TENM2: variants seen among roughly 807,000 people sequenced by gnomAD.
The protein encoded by TENM2 is teneurin transmembrane protein 2.
A neutral mutation model predicts 245.2 loss-of-function variants in TENM2; 52 were observed. The observed-to-expected ratio is 0.21, with a 90% confidence interval of 0.17 to 0.27. The LOEUF is 0.27. Among genes scored for constraint, TENM2 ranks in the 10% least tolerant of loss-of-function variants. TENM2 has a pLI of 1.00. For missense variants in TENM2, 3,046 were observed against 3,666.8 expected, an observed-to-expected ratio of 0.83 and a Z score of 4.37; for synonymous variants, 1,363 against 1,438.9, an observed-to-expected ratio of 0.95 and a Z score of 1.19.
At chr5:167,239,523 G>A in the TENM2 span, among the ~76,000 whole-genome samples, 1 of 152,002 alleles carries the variant, frequency 6.6e-6, no homozygotes, top group Non-Finnish European at 1.5e-5. Flanking sequence ...GAATTATACG[G>A]TTGCCATAGT....
rs1755379027 is a variant in TENM2, at chr5:167,302,291, TAGGTC to T, written c.226+17233_226+17237del. 2.0e-5 allele frequency among the ~76,000 whole-genome samples: 3 copies of T among 152,102 alleles called. No homozygotes were observed. In the South Asian group the frequency reaches 6.2e-4, roughly 32 times the overall value. ...AGAAGAAAATAAGGCATTTAGGTTT[TAGGTC>T]AGGTGTGAGTTGAAGAGGTTTTAGG... On this transcript the variant is annotated intron_variant, in intron 1 of 28. Transcript: ENST00000518659.
At chr5:167,084,137 A>G in the TENM2 span, among the ~76,000 whole-genome samples, 2 of 150,650 alleles carry the variant, frequency 1.3e-5, no homozygotes, top group East Asian at 3.9e-4. Flanking sequence ...TTTGTTATAG[A>G]TAGTTTGTAA....
chr5:167,776,416 G>A (rs886505810), intron 2 of TENM2, among the ~76,000 whole-genome samples: 1 of 151,298 alleles, frequency 6.6e-6, no homozygotes, highest in Non-Finnish European at 1.5e-5. Context: ...GGGCAGCAAG[G>A]CGAGACCCCA....
At chr5:167,319,288 C>T (rs1756574087) in intron 1 of TENM2, among the ~76,000 whole-genome samples, 1 of 152,092 alleles carries the variant, frequency 6.6e-6, no homozygotes, top group Non-Finnish European at 1.5e-5. Flanking sequence ...GAATACATTT[C>T]TCAGTTTCAG....
At chr5:167,532,339 C>T (rs1025672189) in intron 2 of TENM2, among the ~76,000 whole-genome samples, 7 of 151,798 alleles carry the variant, frequency 4.6e-5, no homozygotes, top group South Asian at 2.1e-4. Context: ...AAAATTAGCC[C>T]GTTTTCAAGT....
the TENM2 span, among the ~76,000 whole-genome samples, chr5:167,133,824 G>GA: frequency 3.0e-3 from 395 of 133,402 alleles, 1 homozygote; most frequent in Non-Finnish European, 5.1e-3. Context: ...TGCTTGGGGC[G>GA]AAAAAAAAAA....
intron 2 of TENM2, among the ~76,000 whole-genome samples, chr5:167,610,503 C>A (rs960343417): frequency 1.3e-5 from 2 of 152,134 alleles, no homozygotes; most frequent in Non-Finnish European, 2.9e-5. Flanking sequence ...CATTAGCAAA[C>A]AAAAGACCCT....
At chr5:167,844,171 G>T (rs1180610239) in intron 2 of TENM2, among the ~76,000 whole-genome samples, 1 of 152,210 alleles carries the variant, frequency 6.6e-6, no homozygotes, top group African/African-American at 2.4e-5. Context: ...AAATGTAAAT[G>T]TAAAAGATAC....
intron 2 of TENM2, among the ~76,000 whole-genome samples, chr5:167,578,079 C>G (rs1418018623): frequency 6.6e-6 from 1 of 152,160 alleles, no homozygotes; most frequent in Non-Finnish European, 1.5e-5. Flanking sequence ...AACGGCAAGC[C>G]AAGGTATTTG....
chr5:167,007,131 T>C, the TENM2 span, among the ~76,000 whole-genome samples: 1 of 152,222 alleles, frequency 6.6e-6, no homozygotes, highest in African/African-American at 2.4e-5. This position sits in a 1 kb window ranked among gnomAD's most constrained non-coding sequence, Gnocchi z 4.2. Context: ...TTATAAATAA[T>C]GGAGATACTT....
chr5:167,809,603 A>G (rs1290592460), intron 2 of TENM2, among the ~76,000 whole-genome samples: 1 of 152,108 alleles, frequency 6.6e-6, no homozygotes, highest in East Asian at 1.9e-4. Context: ...TTCTATATAT[A>G]CTTAATACAG....
intron 25 of TENM2, among the ~76,000 whole-genome samples, chr5:168,229,078 AATTATAAT>A (rs1216477869): frequency 6.7e-6 from 1 of 148,882 alleles, no homozygotes; most frequent in Non-Finnish European, 1.5e-5. Flanking sequence ...TTATATGTAT[AATTATAAT>A]ATTATAATGT....
At chr5:167,115,650 A>G in the TENM2 span, among the ~76,000 whole-genome samples, 2 of 152,248 alleles carry the variant, frequency 1.3e-5, no homozygotes, top group Admixed American at 6.5e-5. Context: ...ATTCTGTTAC[A>G]ATAAGAACAT....
At chr5:168,251,428 A>G (rs1355878996) in intron 27 of TENM2, among the ~76,000 whole-genome samples, 3 of 152,226 alleles carry the variant, frequency 2.0e-5, no homozygotes, top group African/African-American at 7.2e-5. Context: ...GAATCCAGAA[A>G]CCATTAGAGA....
chr5:167,134,170 A>C, the TENM2 span, among the ~76,000 whole-genome samples: 2 of 152,260 alleles, frequency 1.3e-5, no homozygotes, highest in Non-Finnish European at 2.9e-5. Context: ...GATTATTAAA[A>C]GTCAAAAAAA....
At chr5:167,590,133 A>G (rs936130158) in intron 2 of TENM2, among the ~76,000 whole-genome samples, 1 of 151,766 alleles carries the variant, frequency 6.6e-6, no homozygotes, top group African/African-American at 2.4e-5. Flanking sequence ...TCAGATTGCA[A>G]TATTTTTAGG....
chr5:168,067,284 A>C (rs1278871500), intron 7 of TENM2, among the ~76,000 whole-genome samples: 1 of 152,154 alleles, frequency 6.6e-6, no homozygotes, highest in Non-Finnish European at 1.5e-5. Context: ...GGTACCCCCT[A>C]ATGCTTTATG....
intron 2 of TENM2, among the ~76,000 whole-genome samples, chr5:167,795,492 T>C (rs1426794967): frequency 6.6e-6 from 1 of 152,058 alleles, no homozygotes; most frequent in Non-Finnish European, 1.5e-5. Context: ...GAAATCCACA[T>C]TAAATTAAGT....
chr5:167,954,451 G>C (rs3101754), intron 4 of TENM2, among the ~76,000 whole-genome samples: 63,094 of 152,050 alleles, frequency 0.41, 15,426 homozygotes, highest in African/African-American at 0.68. Context: ...GAAAAGCTAC[G>C]TATCGGGTAT....
Sources: allele counts gnomAD v4.1 joint callset (sites outside exome capture counted in the v4.1 genomes callset), GRCh38; gene constraint gnomAD v4.1.1; non-coding constraint Gnocchi (gnomAD v3.1); transcripts MANE v1.5; gene names NCBI Gene and HGNC (gene_info 2026-07-23, HGNC 2026-07-21).